The following PLXNA4 variants were observed in gnomAD, a reference collection of about 807,000 sequenced individuals.
The protein encoded by PLXNA4 is plexin-A4.
In PLXNA4, 44 loss-of-function variants were observed where a neutral mutation model predicts 191.8. The observed-to-expected ratio is 0.23, with a 90% CI of 0.18 to 0.29. The LOEUF is 0.29. Among genes scored for constraint, PLXNA4 ranks in the 10% least tolerant of loss-of-function variants. The pLI, the probability that PLXNA4 is intolerant of heterozygous loss-of-function variation, is 1.00. For synonymous variants in PLXNA4, 1,082 were observed against 1,009.5 expected, an observed-to-expected ratio of 1.07 and a Z score of -1.36; for missense variants, 1,800 against 2,488.8, an observed-to-expected ratio of 0.72 and a Z score of 5.89.
At chr7:132,223,418 G>A in intron 9 of PLXNA4, 109 bp downstream of exon 9, 2 of 871,482 alleles carry the variant, frequency 2.3e-6, no homozygotes, top group Non-Finnish European at 3.7e-6. Context: ...GAAGAAGGGG[G>A]TGGTCCTGCA....
At chr7:132,188,772 G>A (rs962289912) in intron 14 of PLXNA4, among the ~76,000 whole-genome samples, 1 of 151,922 alleles carries the variant, frequency 6.6e-6, no homozygotes, top group Non-Finnish European at 1.5e-5. Context: ...AGCTCTGCCT[G>A]GATCTCGCTG....
intron 4 of PLXNA4, among the ~76,000 whole-genome samples, chr7:132,249,712 G>A (rs1355408259): frequency 1.3e-5 from 2 of 152,358 alleles, no homozygotes; most frequent in Admixed American, 1.3e-4. Flanking sequence ...GTTGGGGGCT[G>A]GAGCCTGCCC....
At chr7:132,584,146 A>G (rs1802463201) in intron 2 of PLXNA4, among the ~76,000 whole-genome samples, 1 of 152,154 alleles carries the variant, frequency 6.6e-6, no homozygotes, top group Non-Finnish European at 1.5e-5. Flanking sequence ...CTGCATGGGA[A>G]CCCATCAGAT....
chr7:132,491,969 G>A (rs939292722), intron 2 of PLXNA4, among the ~76,000 whole-genome samples: 1 of 152,184 alleles, frequency 6.6e-6, no homozygotes, highest in African/African-American at 2.4e-5. Context: ...GCCTTCCAAG[G>A]GCAGCCTGGG....
intron 1 of PLXNA4, among the ~76,000 whole-genome samples, chr7:132,513,731 G>A (rs1798829315): frequency 6.6e-6 from 1 of 150,648 alleles, no homozygotes; most frequent in African/African-American, 2.4e-5. Flanking sequence ...AGAGTGCAGT[G>A]GCACAATCTA....
At chr7:132,441,590 T>C (rs1795701699) in intron 3 of PLXNA4, among the ~76,000 whole-genome samples, 1 of 152,254 alleles carries the variant, frequency 6.6e-6, no homozygotes, top group South Asian at 2.1e-4. Flanking sequence ...CATGGGCTCA[T>C]TGCACTAAGC....
At chr7:132,190,443 G>A (rs1256983510) in intron 14 of PLXNA4, among the ~76,000 whole-genome samples, 2 of 152,176 alleles carry the variant, frequency 1.3e-5, no homozygotes, top group African/African-American at 4.8e-5. Context: ...CCTAGGTCAG[G>A]GGGCCTCAGC....
chr7:132,569,399 T>A (rs1801875495), intron 1 of PLXNA4, among the ~76,000 whole-genome samples: 2 of 152,234 alleles, frequency 1.3e-5, no homozygotes, highest in South Asian at 2.1e-4. Context: ...GAACCCAGGC[T>A]GTGACTGGAG....
chr7:132,520,376 T>C (rs150622001), intron 1 of PLXNA4, among the ~76,000 whole-genome samples: 84 of 152,296 alleles, frequency 5.5e-4, no homozygotes, highest in African/African-American at 1.9e-3. Context: ...AGCAAGTTGA[T>C]CTTTCTGGGA....
At chr7:132,417,342 G>A (rs576338344) in intron 3 of PLXNA4, among the ~76,000 whole-genome samples, 13 of 152,138 alleles carry the variant, frequency 8.5e-5, no homozygotes, top group Non-Finnish European at 1.5e-4. Flanking sequence ...TGAGGCCTGC[G>A]CTTAGGATTG....
Position 132,147,910 on chromosome 7 carries a change from T to C in PLXNA4, c.4854A>G (p.Ala1618=). The C allele has an allele frequency of 6.2e-7, 1 of 1,614,052 alleles. No homozygotes were observed. The highest frequency in any genetic ancestry group is 8.5e-7 in the Non-Finnish European group (1 of 1,180,004). Reference sequence around the variant, plus strand: ...TCGGTGGGATCTTACCATATTTACTTGCTGAGGTCCTGGAGACGGTGGAGT... The same window carrying C: ...TCGGTGGGATCTTACCATATTTACTCGCTGAGGTCCTGGAGACGGTGGAGT... ...VNNSTVSRTS[A]SKYENMIRYT... is the part of the protein sequence containing the mutation. Residue 1618 remains alanine, a synonymous_variant, in exon 27 of 32, where the codon GCA becomes GCG. Coordinates refer to ENST00000321063, the MANE Select transcript of PLXNA4 (RefSeq NM_020911.2).
chr7:132,133,233 T>TC, intron 30 of PLXNA4, 34 bp from the exon 31 acceptor site: 3 of 1,609,674 alleles, frequency 1.9e-6, no homozygotes, highest in Non-Finnish European at 2.5e-6. Context: ...GAAGCTGAAG[T>TC]CGTGCATACG....
At chr7:132,540,799 G>T (rs1276344029) in intron 1 of PLXNA4, among the ~76,000 whole-genome samples, 1 of 151,628 alleles carries the variant, frequency 6.6e-6, no homozygotes, top group Non-Finnish European at 1.5e-5. Context: ...TTGTTAGCCA[G>T]GATGGTCTCG....
chr7:132,159,193 AC>A (rs1795878104), intron 25 of PLXNA4, among the ~76,000 whole-genome samples: 1 of 151,946 alleles, frequency 6.6e-6, no homozygotes, highest in Non-Finnish European at 1.5e-5. Context: ...TATTCAAAGG[AC>A]CCCAGAGGCA....
At chr7:132,133,242 C>T (rs371032510) in intron 30 of PLXNA4, 43 bp from the exon 31 acceptor site, 69 of 1,603,706 alleles carry the variant, frequency 4.3e-5, no homozygotes, top group South Asian at 1.3e-4. Context: ...GTCGTGCATA[C>T]GGAGTAGAGG....
intron 1 of PLXNA4, among the ~76,000 whole-genome samples, chr7:132,549,517 C>T (rs1800460833): frequency 2.0e-5 from 3 of 152,174 alleles, no homozygotes; most frequent in Non-Finnish European, 4.4e-5. Context: ...GATGCTGACA[C>T]ATTTGGGCCC....
At position 132,226,270 on chromosome 7, in the gene PLXNA4, G is replaced by T. The variant is rs1484005698; in HGVS notation, c.1883-10C>A. 6.2e-6 allele frequency: 10 copies of T among 1,608,366 alleles called. No individual in the cohort carries two copies. Among genetic ancestry groups the T allele is most frequent in the Non-Finnish European group, 8.5e-6 (10 of 1,175,784 alleles). On this transcript the variant is annotated splice_polypyrimidine_tract_variant and intron_variant, in intron 7 of 31. Transcript: ENST00000321063. The stretch of plus-strand genomic sequence containing the variant: ...ACGACATGGTGGTCCCCTACAAGGA[G>T]AGATGGCTGAGGGGTCAGGGAATGC...
intron 6 of PLXNA4, 103 bp from the exon 7 acceptor site, chr7:132,227,707 A>T (rs1022093193): frequency 6.9e-7 from 1 of 1,453,240 alleles, no homozygotes; most frequent in African/African-American, 1.4e-5. Context: ...GATCACAGGG[A>T]AAGCAAAGAC....
chr7:132,177,555 G>A (rs1174014651), intron 20 of PLXNA4, among the ~76,000 whole-genome samples: 1 of 152,196 alleles, frequency 6.6e-6, no homozygotes, highest in Non-Finnish European at 1.5e-5. Context: ...TCCTCCTGGG[G>A]CCTCAGCTGA....
Sources: gnomAD v4.1 joint callset for allele counts (sites outside exome capture counted in the v4.1 genomes callset) on GRCh38, gnomAD v4.1.1 for gene constraint, MANE v1.5 for transcripts, NCBI Gene and HGNC (gene_info 2026-07-23, HGNC 2026-07-21) for gene names.